Variants in ARID1B observed in about 807,000 individuals in gnomAD.
ARID1B encodes the protein AT-rich interactive domain-containing protein 1B.
A neutral mutation model predicts 212.3 loss-of-function variants in ARID1B; 30 were observed. The observed-to-expected ratio is 0.14, with a 90% CI of 0.11 to 0.19. ARID1B has a LOEUF of 0.19. Ranked by LOEUF, ARID1B falls within the 10% of genes least tolerant of loss-of-function variation. The pLI is 1.00. For missense variants in ARID1B, 2,891 were observed against 3,204.0 expected (o/e 0.90, Z 2.36); for synonymous variants, 1,402 against 1,301.7 (o/e 1.08, Z -1.66).
intron 6 of ARID1B, among the ~76,000 whole-genome samples, chr6:157,128,271 C>T (rs1309432978): frequency 2.0e-5 from 3 of 152,136 alleles, no homozygotes; most frequent in African/African-American, 7.2e-5. Flanking sequence ...CTAGTGTTGG[C>T]ATTTAATTGT....
chr6:157,045,871 A>G (rs921240425), intron 4 of ARID1B, among the ~76,000 whole-genome samples: 16 of 152,140 alleles, frequency 1.1e-4, no homozygotes, highest in African/African-American at 3.9e-4. Flanking sequence ...AAAGCAAAAA[A>G]TTTACTGTTT....
intron 2 of ARID1B, among the ~76,000 whole-genome samples, chr6:156,849,856 A>G (rs1299505705): frequency 1.3e-5 from 2 of 152,020 alleles, no homozygotes. Flanking sequence ...TTATTGAAGG[A>G]CAATTGTTCA....
At chr6:156,992,602 T>C (rs1778334000) in intron 4 of ARID1B, among the ~76,000 whole-genome samples, 1 of 152,218 alleles carries the variant, frequency 6.6e-6, no homozygotes, top group Non-Finnish European at 1.5e-5. Context: ...CCGTAGGTTT[T>C]GGAGCGGGAG....
intron 2 of ARID1B, among the ~76,000 whole-genome samples, chr6:156,889,752 G>A (rs967415813): frequency 6.6e-6 from 1 of 152,156 alleles, no homozygotes; most frequent in African/African-American, 2.4e-5. Context: ...GTTTAGATAG[G>A]CAAAGGAAAA....
intron 15 of ARID1B, among the ~76,000 whole-genome samples, chr6:157,192,290 A>G (rs769464174): frequency 6.6e-6 from 1 of 152,196 alleles, no homozygotes; most frequent in Non-Finnish European, 1.5e-5. Flanking sequence ...TGGCCTCAAA[A>G]TGTATTGCAA....
chr6:156,790,288 A>C (rs1779921967), intron 1 of ARID1B, among the ~76,000 whole-genome samples: 1 of 152,252 alleles, frequency 6.6e-6, no homozygotes. Context: ...GTACCACAGA[A>C]GTAGATATCC....
chr6:157,025,345 T>G (rs1780590658), intron 4 of ARID1B, among the ~76,000 whole-genome samples: 1 of 152,256 alleles, frequency 6.6e-6, no homozygotes, highest in South Asian at 2.1e-4. Flanking sequence ...TTCTGAGCAT[T>G]GTGGATGGAT....
rs756796465 is a variant in ARID1B, at chr6:157,207,892, C to T, written c.*1C>T. 3 of 1,484,518 alleles carry T rather than the reference C, an allele frequency of 2.0e-6. No individual in the cohort carries two copies. The highest frequency in any genetic ancestry group is 2.3e-5 in the Admixed American group (1 of 43,174). 92.0% of individuals were successfully genotyped at this position (1,484,518 alleles called of 1,614,324 possible). A position where few individuals can be genotyped will look rare whatever the true frequency, so the allele number is the denominator to read the frequency against. On this transcript the variant is annotated 3_prime_UTR_variant, in exon 20 of 20. Coordinates refer to ENST00000636930, the MANE Select transcript of ARID1B (RefSeq NM_001374828.1). This position sits in a 1 kb window ranked among gnomAD's most constrained non-coding sequence, Gnocchi z 8.5. ...ACTGTTTCAGATTGGGCAGTTATGACATAAGTGAGAAGGCAAGCATGTGTG... is the reference window on the plus strand; with the variant it reads ...ACTGTTTCAGATTGGGCAGTTATGATATAAGTGAGAAGGCAAGCATGTGTG...
At chr6:156,838,771 CT>C (rs1021068986) in intron 2 of ARID1B, among the ~76,000 whole-genome samples, 1 of 151,518 alleles carries the variant, frequency 6.6e-6, no homozygotes, top group Non-Finnish European at 1.5e-5. Context: ...TTAGATGTTT[CT>C]TTATAATCAG....
At chr6:157,191,966 G>A (rs1793413069) in intron 15 of ARID1B, among the ~76,000 whole-genome samples, 1 of 152,160 alleles carries the variant, frequency 6.6e-6, no homozygotes, top group African/African-American at 2.4e-5. Flanking sequence ...TAAAATTTGA[G>A]TATAGGGCAT....
At chr6:156,952,077 A>G (rs1793628372) in intron 4 of ARID1B, among the ~76,000 whole-genome samples, 1 of 152,372 alleles carries the variant, frequency 6.6e-6, no homozygotes. Context: ...TAAAACGTGT[A>G]CCAGGGTGGA....
chr6:156,912,848 A>T (rs561119051), intron 3 of ARID1B, among the ~76,000 whole-genome samples: 301 of 152,260 alleles, frequency 2.0e-3, no homozygotes, highest in Admixed American at 7.1e-3. Context: ...GCATTTAAAC[A>T]TGCCATCATT....
At chr6:157,202,257 G>T (rs1794161973) in intron 18 of ARID1B, among the ~76,000 whole-genome samples, 1 of 152,172 alleles carries the variant, frequency 6.6e-6, no homozygotes, top group Non-Finnish European at 1.5e-5. Flanking sequence ...TACACACAGG[G>T]TTTCTGCATT....
intron 4 of ARID1B, among the ~76,000 whole-genome samples, chr6:156,988,323 C>A (rs1778062551): frequency 6.6e-6 from 1 of 152,168 alleles, no homozygotes; most frequent in South Asian, 2.1e-4. Flanking sequence ...AGGAACACTT[C>A]TGTTTTAAGT....
At chr6:157,033,537 AG>A (rs1781140617) in intron 4 of ARID1B, among the ~76,000 whole-genome samples, 1 of 152,230 alleles carries the variant, frequency 6.6e-6, no homozygotes, top group Non-Finnish European at 1.5e-5. Context: ...AAGTACGGCC[AG>A]TTTTACTTCC....
intron 1 of ARID1B, among the ~76,000 whole-genome samples, chr6:156,786,694 A>G (rs551663390): frequency 6.6e-6 from 1 of 152,306 alleles, no homozygotes; most frequent in South Asian, 2.1e-4. Context: ...TGTTAGATAA[A>G]TATCTACTCC....
intron 2 of ARID1B, among the ~76,000 whole-genome samples, chr6:156,899,397 G>C (rs541006017): frequency 2.6e-5 from 4 of 152,350 alleles, no homozygotes; most frequent in South Asian, 4.1e-4. Context: ...GAGCCCCTCT[G>C]TGCTGTTACA....
chr6:157,197,054 A>C (rs1397152750), intron 16 of ARID1B, among the ~76,000 whole-genome samples: 4 of 152,190 alleles, frequency 2.6e-5, no homozygotes, highest in Non-Finnish European at 4.4e-5. Flanking sequence ...AGATGATGGC[A>C]TAGGGTAGGC....
At chr6:157,111,511 G>A (rs908563275) in intron 6 of ARID1B, among the ~76,000 whole-genome samples, 9 of 152,142 alleles carry the variant, frequency 5.9e-5, no homozygotes, top group African/African-American at 2.2e-4. Flanking sequence ...CACAGGCCCA[G>A]AGGCCAGAAG....
Sources: gnomAD v4.1 joint callset for allele counts (sites outside exome capture counted in the v4.1 genomes callset) on GRCh38, gnomAD v4.1.1 for gene constraint, Gnocchi (gnomAD v3.1) non-coding constraint, MANE v1.5 for transcripts, NCBI Gene and HGNC (gene_info 2026-07-23, HGNC 2026-07-21) for gene names.